The following ATP6V1E1 variants were observed in gnomAD, a reference collection of about 807,000 sequenced individuals.
ATP6V1E1 encodes V-type proton ATPase subunit E 1.
ATP6V1E1 carries 21 observed loss-of-function variants against 35.2 expected under a neutral mutation model. The ratio of observed to expected loss-of-function variants is 0.60; its 90% CI spans 0.42 to 0.86. ATP6V1E1 has a LOEUF of 0.86. Ranked by LOEUF, ATP6V1E1 falls within the 40% of genes least tolerant of loss-of-function variation. The pLI, the probability that ATP6V1E1 is intolerant of heterozygous loss-of-function variation, is 0.00. For missense variants in ATP6V1E1, 183 were observed against 272.6 expected, an observed-to-expected ratio of 0.67 and a Z score of 2.32; for synonymous variants, 83 against 87.8, an observed-to-expected ratio of 0.95 and a Z score of 0.30.
chr22:17,626,812 G>A (rs572857832), intron 1 of ATP6V1E1, among the ~76,000 whole-genome samples: 1 of 152,102 alleles, frequency 6.6e-6, no homozygotes, highest in African/African-American at 2.4e-5. Context: ...TTACAGGCAT[G>A]AGCAACCATG....
At chr22:17,625,772 G>GT (rs2057901002) in intron 1 of ATP6V1E1, among the ~76,000 whole-genome samples, 1 of 151,802 alleles carries the variant, frequency 6.6e-6, no homozygotes, top group Non-Finnish European at 1.5e-5. Context: ...ATTCTGATTT[G>GT]TTAGTTATAG....
chr22:17,613,326 G>T lies in ATP6V1E1; in HGVS notation c.100-6C>A. The T allele has an allele frequency of 6.2e-7, 1 of 1,608,610 alleles. No individual in the cohort carries two copies. On this transcript the variant is annotated splice_region_variant and splice_polypyrimidine_tract_variant and intron_variant, in intron 2 of 8. Transcript: ENST00000253413. ...ATGTTGAACTCTTCTTCTGCCTAGA[G>T]GGAAATTAGTCAATATTAATTCATT...
At position 17,600,026 on chromosome 22, in the gene ATP6V1E1, C is replaced by T; in HGVS notation, c.435+1G>A. 6.2e-7 allele frequency: 1 copy of T among 1,612,636 alleles called. No homozygotes were observed. Among genetic ancestry groups the T allele is most frequent in the South Asian group, 1.1e-5 (1 of 91,036 alleles). On this transcript the variant is annotated splice_donor_variant, in intron 6 of 8. Coordinates refer to ENST00000253413, the MANE Select transcript of ATP6V1E1 (RefSeq NM_001696.4). LOFTEE classifies it high-confidence loss of function. ...GGAAAAAATTATCCTAAGTTCTTTA[C>T]CTTTACCAGAGGGAAATCTTGTTTC...
At chr22:17,613,114 G>C in intron 3 of ATP6V1E1, 97 bp downstream of exon 3, 1 of 1,041,190 alleles carries the variant, frequency 9.6e-7, no homozygotes, top group Non-Finnish European at 1.4e-6. Flanking sequence ...GTAGGTGGTC[G>C]AGTTAAGACC....
intron 2 of ATP6V1E1, among the ~76,000 whole-genome samples, chr22:17,615,062 G>A (rs1015394635): frequency 1.1e-4 from 16 of 151,946 alleles, no homozygotes; most frequent in Non-Finnish European, 2.4e-4. Context: ...CAGCAGTTTC[G>A]GAGGCTGAGG....
intron 7 of ATP6V1E1, 100 bp downstream of exon 7, chr22:17,598,094 G>T (rs1028070899): frequency 2.2e-6 from 2 of 894,642 alleles, no homozygotes; most frequent in Non-Finnish European, 3.6e-6. Flanking sequence ...GTGTCTAAGA[G>T]TGCGTTTAAA....
rs772118972 is a variant in ATP6V1E1, at chr22:17,600,054, G to A, written c.408C>T (p.Cys136=). ...QLLEPRMIVR[C]RKQDFPLVKA... ...TTACCAGAGGGAAATCTTGTTTCCT[G>A]CAACGAACAATCATTCGGGGCTCCA... The change falls in exon 6 of 9, where the codon TGC becomes TGT. Residue 136 remains cysteine, a synonymous_variant. Coordinates refer to ENST00000253413, the MANE Select transcript of ATP6V1E1 (RefSeq NM_001696.4). 24 of 1,613,804 alleles carry A rather than the reference G, an allele frequency of 1.5e-5. No homozygotes were observed. Among genetic ancestry groups the A allele is most frequent in the Non-Finnish European group, 1.9e-5 (23 of 1,179,920 alleles).
intron 8 of ATP6V1E1, among the ~76,000 whole-genome samples, chr22:17,594,070 C>T (rs1009387505): frequency 2.0e-5 from 3 of 152,066 alleles, no homozygotes; most frequent in African/African-American, 4.8e-5. Context: ...GGTGTGGTGG[C>T]AGGTGCCTGT....
chr22:17,595,148 A>T (rs2057725360), intron 7 of ATP6V1E1: 1 of 152,202 alleles, frequency 6.6e-6, no homozygotes, highest in South Asian at 2.1e-4. Context: ...CCCGAGTTCA[A>T]GCAATTCTCC....
chr22:17,622,523 A>G (rs551720893), intron 1 of ATP6V1E1, among the ~76,000 whole-genome samples: 92 of 152,316 alleles, frequency 6.0e-4, no homozygotes, highest in Middle Eastern at 3.4e-3. Context: ...GGGGAGGGAT[A>G]GCATTAGGAG....
At chr22:17,604,146 AC>A (rs1380953997) in intron 4 of ATP6V1E1, among the ~76,000 whole-genome samples, 1 of 152,194 alleles carries the variant, frequency 6.6e-6, no homozygotes, top group Non-Finnish European at 1.5e-5. Flanking sequence ...CCACTATGTC[AC>A]CACGGGAGAG....
chr22:17,600,971 G>T lies in ATP6V1E1; in HGVS notation c.366+121C>A, dbSNP rs718296. ...TAAAAAAGCTAAAAGAAAAAAAAAG[G>T]GTGAAAGGAAAAAAACTAGAGAAAT... On this transcript the variant is annotated intron_variant, in intron 5 of 8. Transcript: ENST00000253413. 0.012 allele frequency: 9,843 copies of T among 795,940 alleles called. 684 individuals carry two copies. In the African/African-American group the frequency reaches 0.15, roughly 12 times the overall value. 49.3% of individuals were successfully genotyped at this position (795,940 alleles called of 1,614,324 possible).
intron 2 of ATP6V1E1, among the ~76,000 whole-genome samples, chr22:17,614,880 A>C (rs1288160040): frequency 1.3e-5 from 2 of 151,596 alleles, no homozygotes; most frequent in African/African-American, 4.8e-5. Context: ...GAGGCAGGAG[A>C]ATGGCATGAA....
At position 17,592,260 on chromosome 22, in the gene ATP6V1E1, G is replaced by A. The variant is rs15391; in HGVS notation, c.*414C>T. On this transcript the variant is annotated 3_prime_UTR_variant, in exon 9 of 9. Transcript: ENST00000253413. Reference sequence around the variant, plus strand: ...AGGGAAAACTTCTAGGCCTAAACAGGTAACAGTAAAGCGACTACTGCTGGA... The same window carrying A: ...AGGGAAAACTTCTAGGCCTAAACAGATAACAGTAAAGCGACTACTGCTGGA... The A allele has an allele frequency of 1.7e-5, 3 of 174,540 alleles. No individual in the cohort carries two copies. The highest frequency in any genetic ancestry group is 1.7e-4 in the Admixed American group (3 of 17,540). 10.8% of individuals were successfully genotyped at this position (174,540 alleles called of 1,614,324 possible).
chr22:17,593,772 AAT>A (rs2057716950), intron 8 of ATP6V1E1, among the ~76,000 whole-genome samples: 1 of 152,238 alleles, frequency 6.6e-6, no homozygotes, highest in Non-Finnish European at 1.5e-5. Flanking sequence ...CAGCCACAGC[AAT>A]AGACTCCCAC....
intron 2 of ATP6V1E1, among the ~76,000 whole-genome samples, chr22:17,615,857 C>G (rs2057841414): frequency 6.6e-6 from 1 of 151,878 alleles, no homozygotes; most frequent in Non-Finnish European, 1.5e-5. Flanking sequence ...ACGGTGAAAC[C>G]CCATCTCTAC....
chr22:17,597,666 C>T (rs116342193), intron 7 of ATP6V1E1, among the ~76,000 whole-genome samples: 7,384 of 151,898 alleles, frequency 0.049, 685 homozygotes, highest in African/African-American at 0.17. Flanking sequence ...CTTGCTCTGT[C>T]GCCATACTGG....
chr22:17,614,228 T>G (rs977992604), intron 2 of ATP6V1E1, among the ~76,000 whole-genome samples: 10 of 151,810 alleles, frequency 6.6e-5, no homozygotes, highest in Middle Eastern at 3.4e-3. Flanking sequence ...CGCATGCCTG[T>G]AATCCCAGCT....
At chr22:17,627,951 G>A (rs1424283196) in intron 1 of ATP6V1E1, among the ~76,000 whole-genome samples, 9 of 147,324 alleles carry the variant, frequency 6.1e-5, no homozygotes, top group Middle Eastern at 3.5e-3. Context: ...TTCCCTCAGG[G>A]TTAAAAAAAA....
Sources: gnomAD v4.1 joint callset for allele counts (sites outside exome capture counted in the v4.1 genomes callset) on GRCh38, gnomAD v4.1.1 for gene constraint, MANE v1.5 for transcripts, NCBI Gene and HGNC (gene_info 2026-07-23, HGNC 2026-07-21) for gene names.